ERP44: variants seen among roughly 807,000 people sequenced by gnomAD.
ERP44 encodes the protein endoplasmic reticulum protein 44.
ERP44 carries 25 observed loss-of-function variants against 53.4 expected under a neutral mutation model. The observed-to-expected ratio is 0.47, with a 90% CI of 0.34 to 0.65. The LOEUF is 0.65. Ranked by LOEUF, ERP44 falls within the 30% of genes least tolerant of loss-of-function variation. ERP44 has a pLI of 0.01. For synonymous variants in ERP44, 145 were observed against 161.2 expected (o/e 0.90, Z 0.76); for missense variants, 338 against 493.2 (o/e 0.69, Z 2.98).
At chr9:99,996,315 T>G (rs1330995468) in intron 10 of ERP44, among the ~76,000 whole-genome samples, 1 of 152,164 alleles carries the variant, frequency 6.6e-6, no homozygotes, top group Non-Finnish European at 1.5e-5. Context: ...AGGACGCCCC[T>G]CAGCTTTGGT....
At chr9:100,074,752 G>A (rs753036819) in intron 1 of ERP44, among the ~76,000 whole-genome samples, 25 of 152,208 alleles carry the variant, frequency 1.6e-4, no homozygotes, top group Non-Finnish European at 2.8e-4. Context: ...CACTGGATCT[G>A]AGCTGATGTT....
chr9:100,055,411 C>T (rs1317723151), intron 3 of ERP44, among the ~76,000 whole-genome samples: 1 of 152,204 alleles, frequency 6.6e-6, no homozygotes, highest in Non-Finnish European at 1.5e-5. Flanking sequence ...CTCGCTCTGT[C>T]ACTCAGGCTG....
At chr9:99,986,942 T>C (rs970840574) in intron 10 of ERP44, among the ~76,000 whole-genome samples, 1 of 152,178 alleles carries the variant, frequency 6.6e-6, no homozygotes, top group South Asian at 2.1e-4. Flanking sequence ...GCAAATGGGG[T>C]CTATAATGTT....
At chr9:100,035,022 T>C (rs893970666) in intron 4 of ERP44, among the ~76,000 whole-genome samples, 6 of 152,348 alleles carry the variant, frequency 3.9e-5, no homozygotes, top group African/African-American at 1.2e-4. Context: ...GCTATCCATA[T>C]GCAAAAGAAT....
At chr9:100,073,715 A>G (rs948636488) in intron 1 of ERP44, among the ~76,000 whole-genome samples, 1 of 152,224 alleles carries the variant, frequency 6.6e-6, no homozygotes, top group African/African-American at 2.4e-5. Flanking sequence ...ATTACATTCT[A>G]CATAGGTGAG....
intron 4 of ERP44, among the ~76,000 whole-genome samples, chr9:100,027,802 G>C (rs1169070514): frequency 6.6e-6 from 1 of 152,138 alleles, no homozygotes; most frequent in East Asian, 1.9e-4. Flanking sequence ...CAAAGAGGCA[G>C]ATCATTTCAA....
chr9:100,019,762 G>A (rs1025724836), intron 6 of ERP44, among the ~76,000 whole-genome samples: 2 of 152,116 alleles, frequency 1.3e-5, no homozygotes, highest in East Asian at 1.9e-4. Context: ...GAAAAAGGTA[G>A]TTGAACATCA....
intron 11 of ERP44, 118 bp downstream of exon 11, chr9:99,984,837 ACTCAGAATTTCT>A (rs1830180073): frequency 1.7e-6 from 1 of 574,838 alleles, no homozygotes; most frequent in Admixed American, 3.2e-5. Flanking sequence ...GTTAATTTCT[ACTCAGAATTTCT>A]CTACACAAAT....
At chr9:100,085,962 A>G (rs946976101) in intron 1 of ERP44, among the ~76,000 whole-genome samples, 1 of 152,216 alleles carries the variant, frequency 6.6e-6, no homozygotes, top group Non-Finnish European at 1.5e-5. Flanking sequence ...ATTTTCAGTA[A>G]TGAGAAATCT....
At position 100,073,001 on chromosome 9, in the gene ERP44, G is replaced by A. The variant is rs890445763; in HGVS notation, c.58-12829C>T. Among the ~76,000 whole-genome samples, 10 of 152,156 alleles carry A rather than the reference G, an allele frequency of 6.6e-5. No individual in the cohort carries two copies. In the South Asian group the frequency reaches 1.0e-3, roughly 16 times the overall value. ...TTTCCTAATGTTTGAACTTCATGCT[G>A]ACTCTTCAAAATTGCCCACTGAATA... is the stretch of plus-strand genomic sequence containing the variant. On this transcript the variant is annotated intron_variant, in intron 1 of 11. Transcript: ENST00000262455.
At chr9:100,012,040 G>A (rs761480192) in intron 8 of ERP44, among the ~76,000 whole-genome samples, 4 of 151,884 alleles carry the variant, frequency 2.6e-5, no homozygotes, top group African/African-American at 9.7e-5. Context: ...AATACTCCCC[G>A]AAATTCTAAA....
chr9:100,018,262 T>C lies in ERP44; in HGVS notation c.639A>G (p.Pro213=), dbSNP rs1365765697. ...RYSGDNIIYK[P]PGHSAPDMVY... ...TTAAGAAATAGCAACTTACCCCTGGTGGTTTGTAGATTATGTTGTCGCCAC... is the reference window on the plus strand; with the variant it reads ...TTAAGAAATAGCAACTTACCCCTGGCGGTTTGTAGATTATGTTGTCGCCAC... The change falls in exon 7 of 12, where the codon CCA becomes CCG. Residue 213 remains proline, a synonymous_variant. Transcript: ENST00000262455. 7 of 1,595,798 alleles carry C rather than the reference T, an allele frequency of 4.4e-6. No homozygotes were observed. In the East Asian group the frequency reaches 1.6e-4, roughly 36 times the overall value.
intron 10 of ERP44, among the ~76,000 whole-genome samples, chr9:99,990,389 A>C (rs144436080): frequency 0.015 from 2,315 of 152,304 alleles, 22 homozygotes; most frequent in Middle Eastern, 0.027. Flanking sequence ...AATTTTCAAC[A>C]CAGAATTTCA....
Position 99,991,541 on chromosome 9 carries a change from A to C in ERP44, c.1017-6472T>G, listed in dbSNP as rs1587955005. 5.3e-5 allele frequency among the ~76,000 whole-genome samples: 8 copies of C among 152,242 alleles called. 1 individual carries two copies. Among genetic ancestry groups the C allele is most frequent in the Admixed American group, 5.2e-4 (8 of 15,288 alleles). ...TCCGTAGAGGGAAATTTATAGCACT[A>C]AATGCCCATAAAAGAAAGCAGGAAA... On this transcript the variant is annotated intron_variant, in intron 10 of 11. Coordinates refer to ENST00000262455, the MANE Select transcript of ERP44 (RefSeq NM_015051.3).
At chr9:100,098,214 G>C (rs1826673323) in intron 1 of ERP44, among the ~76,000 whole-genome samples, 1 of 152,190 alleles carries the variant, frequency 6.6e-6, no homozygotes, top group South Asian at 2.1e-4. Context: ...GAGGCCTTGA[G>C]CTGAGATTGT....
In ERP44 at chr9:99,981,658, T is replaced by C. The variant is rs1256263420; in HGVS notation, c.*954A>G. ...GGGAAATCAGGGAATCTAGAGGGGGTAGGGTCCTCTAACCATTTTATAATG... is the reference window on the plus strand; with the variant it reads ...GGGAAATCAGGGAATCTAGAGGGGGCAGGGTCCTCTAACCATTTTATAATG... On this transcript the variant is annotated 3_prime_UTR_variant, in exon 12 of 12. Transcript: ENST00000262455. 1 of 152,556 alleles carries C rather than the reference T, an allele frequency of 6.6e-6. No homozygotes were observed. Among genetic ancestry groups the C allele is most frequent in the African/African-American group, 2.4e-5 (1 of 41,430 alleles). The allele number at this position is 152,556 out of a possible 1,614,324, so 9.5% of individuals were successfully genotyped here. A position where few individuals can be genotyped will look rare whatever the true frequency, so the allele number is the denominator to read the frequency against.
chr9:99,993,162 C>T (rs575692877), intron 10 of ERP44, among the ~76,000 whole-genome samples: 89 of 152,234 alleles, frequency 5.8e-4, no homozygotes, highest in African/African-American at 2.0e-3. Context: ...GGAAACATTA[C>T]TTTAAAATTC....
chr9:100,085,376 CA>C (rs983017574), intron 1 of ERP44, among the ~76,000 whole-genome samples: 1 of 152,168 alleles, frequency 6.6e-6, no homozygotes, highest in Non-Finnish European at 1.5e-5. Flanking sequence ...ACCTTCATTA[CA>C]GTATCTAAAC....
intron 4 of ERP44, among the ~76,000 whole-genome samples, chr9:100,027,953 A>C (rs556708471): frequency 6.6e-6 from 1 of 152,262 alleles, no homozygotes; most frequent in Non-Finnish European, 1.5e-5. Flanking sequence ...AAAACAAAAT[A>C]CCTCAACAGA....
Sources: gnomAD v4.1 joint callset for allele counts (sites outside exome capture counted in the v4.1 genomes callset) on GRCh38, gnomAD v4.1.1 for gene constraint, MANE v1.5 for transcripts, NCBI Gene and HGNC (gene_info 2026-07-23, HGNC 2026-07-21) for gene names.